Variants in ABCA12 observed in about 807,000 individuals in gnomAD.
The protein encoded by ABCA12 is glucosylceramide transporter ABCA12.
A neutral mutation model predicts 293.5 loss-of-function variants in ABCA12; 156 were observed. The observed-to-expected ratio is 0.53, with a 90% CI of 0.47 to 0.61. ABCA12 has a LOEUF of 0.61. ABCA12 is among the 20% of genes least tolerant of loss of function. ABCA12 has a pLI of 0.00. For synonymous variants in ABCA12, 1,063 were observed against 1,108.0 expected (o/e 0.96, Z 0.81); for missense variants, 2,797 against 3,090.2 (o/e 0.91, Z 2.25).
At chr2:214,997,264 G>A (rs1052615673) in intron 23 of ABCA12, among the ~76,000 whole-genome samples, 4 of 152,108 alleles carry the variant, frequency 2.6e-5, no homozygotes, top group Non-Finnish European at 5.9e-5. Flanking sequence ...TGTGAGAGCC[G>A]AAATATGCCA....
At chr2:215,048,977 A>G (rs11899964) in intron 6 of ABCA12, among the ~76,000 whole-genome samples, 9,035 of 152,150 alleles carry the variant, frequency 0.059, 887 homozygotes, top group African/African-American at 0.2. Flanking sequence ...ACAAAGAGGG[A>G]AACAACCGAC....
chr2:214,958,803 T>G (rs532253453), intron 40 of ABCA12, among the ~76,000 whole-genome samples: 4 of 152,176 alleles, frequency 2.6e-5, no homozygotes, highest in African/African-American at 9.6e-5. Flanking sequence ...ACTTGACTTA[T>G]AAAAGCAGCA....
chr2:215,027,119 C>T (rs1226826460), intron 9 of ABCA12, among the ~76,000 whole-genome samples, 181 bp from the exon 10 acceptor site: 4 of 151,934 alleles, frequency 2.6e-5, no homozygotes, highest in Admixed American at 6.6e-5. Flanking sequence ...CCGAGACGAG[C>T]GGATCACGAG....
intron 2 of ABCA12, among the ~76,000 whole-genome samples, chr2:215,099,408 A>G (rs1217162106): frequency 6.6e-6 from 1 of 151,998 alleles, no homozygotes; most frequent in Non-Finnish European, 1.5e-5. Context: ...TTAATTTCCG[A>G]CCCCAGCTGG....
chr2:214,968,789 A>G lies in ABCA12; in HGVS notation c.5709T>C (p.Phe1903=). The G allele has an allele frequency of 6.2e-7, 1 of 1,613,332 alleles. No homozygotes were observed. The highest frequency in any genetic ancestry group is 8.5e-7 in the Non-Finnish European group (1 of 1,179,338). The change falls in exon 38 of 53, where the codon TTT becomes TTC. Residue 1903 remains phenylalanine (F), a synonymous_variant. Coordinates refer to ENST00000272895, the MANE Select transcript of ABCA12 (RefSeq NM_173076.3). ...GAAGGTCTTTTGTCAAAGGCAGCCC[A>G]AAACTCCAACCTCCATATCTACAGA... ...FVQKRYGGWS[F]GLPLTKDLRF...
chr2:215,111,170 G>T (rs1702563983), intron 2 of ABCA12, among the ~76,000 whole-genome samples: 1 of 152,162 alleles, frequency 6.6e-6, no homozygotes, highest in South Asian at 2.1e-4. Context: ...TCAAATATCA[G>T]CCCTAAAGAG....
rs1226204442 is a variant in ABCA12, at chr2:215,001,669, T to A, written c.2752A>T (p.Thr918Ser). 1 of 1,613,800 alleles carries A rather than the reference T, an allele frequency of 6.2e-7. No homozygotes were observed. The change falls in exon 21 of 53, where the codon ACA becomes TCA. Residue 918 changes from threonine (T) to serine (S), a missense_variant. Thr to Ser is a moderately conservative substitution (Grantham distance 58). Transcript: ENST00000272895. ...AATACACAAGAGGAAATATTTACTGTCAGGGAAGATAGTGTGTTAAGCTGA... is the reference window on the plus strand; with the variant it reads ...AATACACAAGAGGAAATATTTACTGACAGGGAAGATAGTGTGTTAAGCTGA... ...IDQLNTLSSL[T>S]VNISSCVLYD... is the part of the protein sequence containing the mutation.
At chr2:215,086,493 G>C (rs1024124418) in intron 2 of ABCA12, among the ~76,000 whole-genome samples, 14 of 152,170 alleles carry the variant, frequency 9.2e-5, no homozygotes, top group African/African-American at 3.4e-4. Flanking sequence ...GAAATGAAAA[G>C]TAGTCAGTTA....
At position 215,052,543 on chromosome 2, in the gene ABCA12, CG is replaced by C; in HGVS notation, c.450del (p.Gly151GlufsTer21). ...FPSPSSDLEI[P>X]GTYTFNGSQV... ...TGACTGCCATTGAAAGTATATGTTCCGGGGATTTCCAAATCAGAACTTGGAC... is the reference window on the plus strand; with the variant it reads ...TGACTGCCATTGAAAGTATATGTTCCGGGATTTCCAAATCAGAACTTGGAC... On this transcript the variant is annotated frameshift_variant, in exon 5 of 53. Transcript: ENST00000272895. LOFTEE classifies it high-confidence loss of function. The C allele has an allele frequency of 6.2e-7, 1 of 1,612,542 alleles. No individual in the cohort carries two copies. Among genetic ancestry groups the C allele is most frequent in the Non-Finnish European group, 8.5e-7 (1 of 1,178,974 alleles).
At chr2:215,096,436 A>C (rs921244155) in intron 2 of ABCA12, among the ~76,000 whole-genome samples, 2 of 152,184 alleles carry the variant, frequency 1.3e-5, no homozygotes, top group Non-Finnish European at 2.9e-5. Context: ...AATCACAGTA[A>C]TTAATCTCTC....
intron 24 of ABCA12, among the ~76,000 whole-genome samples, 166 bp from the exon 25 acceptor site, chr2:214,989,787 T>A (rs1699875377): frequency 6.6e-6 from 1 of 152,142 alleles, no homozygotes; most frequent in Admixed American, 6.5e-5. Flanking sequence ...ATGCTACAAC[T>A]GTGAAGCAAG....
At chr2:214,936,877 G>A (rs1276677205) in intron 51 of ABCA12, among the ~76,000 whole-genome samples, 1 of 150,796 alleles carries the variant, frequency 6.6e-6, no homozygotes, top group Admixed American at 6.6e-5. Flanking sequence ...TATATAATGA[G>A]TAGATCAGCA....
chr2:214,989,382 G>T lies in ABCA12; in HGVS notation c.3776C>A (p.Ala1259Asp). The T allele has an allele frequency of 6.2e-7, 1 of 1,613,494 alleles. No homozygotes were observed. The highest frequency in any genetic ancestry group is 8.5e-7 in the Non-Finnish European group (1 of 1,179,874). Residue 1259 changes from alanine to aspartate, a missense_variant, in exon 26 of 53, where the codon GCT becomes GAT. Ala to Asp is a moderately radical substitution (Grantham distance 126). Transcript: ENST00000272895. ...SFGWLCCLIL[A>D]DSFIYFLIAW... is the part of the protein sequence containing the mutation. Reference sequence around the variant, plus strand: ...AATAAGGAAATAAATGAAAGAGTCAGCTAGGATTAGACAGCACAGCCAGCC... The same window carrying T: ...AATAAGGAAATAAATGAAAGAGTCATCTAGGATTAGACAGCACAGCCAGCC...
At chr2:215,010,640 A>G (rs559510868) in intron 17 of ABCA12, among the ~76,000 whole-genome samples, 170 bp from the exon 18 acceptor site, 87 of 152,298 alleles carry the variant, frequency 5.7e-4, no homozygotes, top group African/African-American at 2.0e-3. Flanking sequence ...AAGCACAGTA[A>G]CCAATCTTTT....
At chr2:215,013,039 T>A (rs1700410861) in intron 15 of ABCA12, 2 of 152,214 alleles carry the variant, frequency 1.3e-5, no homozygotes, top group South Asian at 4.1e-4. Flanking sequence ...TTTTATCCTC[T>A]TATTTCATTT....
chr2:215,090,957 G>A (rs1702130459), intron 2 of ABCA12, among the ~76,000 whole-genome samples: 2 of 151,976 alleles, frequency 1.3e-5, no homozygotes, highest in African/African-American at 2.4e-5. Context: ...ATACAAACTC[G>A]ACAATGGTTC....
At chr2:214,955,956 A>T (rs559693126) in intron 42 of ABCA12, among the ~76,000 whole-genome samples, 1 of 152,348 alleles carries the variant, frequency 6.6e-6, no homozygotes, top group South Asian at 2.1e-4. Flanking sequence ...TTTAATCAGT[A>T]TAAATCTTAT....
chr2:214,949,910 T>A (rs549870775), intron 45 of ABCA12, among the ~76,000 whole-genome samples: 1 of 152,146 alleles, frequency 6.6e-6, no homozygotes, highest in Non-Finnish European at 1.5e-5. Flanking sequence ...GGAAGACTCA[T>A]AGGGTAAATA....
intron 15 of ABCA12, 150 bp from the exon 16 acceptor site, chr2:215,012,285 C>T (rs1700395126): frequency 2.9e-6 from 2 of 681,862 alleles, no homozygotes; most frequent in Non-Finnish European, 2.5e-6. Context: ...CTCAACCTGA[C>T]AATTCCATTC....
Sources: gnomAD v4.1 joint callset for allele counts (sites outside exome capture counted in the v4.1 genomes callset) on GRCh38, gnomAD v4.1.1 for gene constraint, MANE v1.5 for transcripts, NCBI Gene and HGNC (gene_info 2026-07-23, HGNC 2026-07-21) for gene names.